Variants in CCNI observed in about 807,000 individuals in gnomAD.
CCNI encodes cyclin I.
A neutral mutation model predicts 34.1 loss-of-function variants in CCNI; 14 were observed. That is an observed-to-expected ratio of 0.41 (90% CI 0.27 to 0.64). CCNI has a LOEUF of 0.64. Ranked by LOEUF, CCNI falls within the 30% of genes least tolerant of loss-of-function variation. The pLI, the probability that CCNI is intolerant of heterozygous loss-of-function variation, is 0.31. For missense variants in CCNI, 385 were observed against 440.5 expected, an observed-to-expected ratio of 0.87 and a Z score of 1.13; for synonymous variants, 154 against 158.4, an observed-to-expected ratio of 0.97 and a Z score of 0.21.
intron 2 of CCNI, among the ~76,000 whole-genome samples, chr4:77,063,834 G>A (rs1251534768): frequency 6.6e-6 from 1 of 152,060 alleles, no homozygotes; most frequent in Non-Finnish European, 1.5e-5. Context: ...ATTAAATATG[G>A]CTTCTACTTG....
At chr4:77,062,171 T>A (rs1728656411) in intron 2 of CCNI, among the ~76,000 whole-genome samples, 2 of 152,214 alleles carry the variant, frequency 1.3e-5, no homozygotes, top group Non-Finnish European at 2.9e-5. Flanking sequence ...GCTATTTTGA[T>A]GTTACTCCCC....
At position 77,047,253 on chromosome 4, in the gene CCNI, G is replaced by C. The variant is rs1407108519; in HGVS notation, c.*966C>G. 6.6e-6 allele frequency: 1 copy of C among 152,168 alleles called. No individual in the cohort carries two copies. Among genetic ancestry groups the C allele is most frequent in the Non-Finnish European group, 1.5e-5 (1 of 68,052 alleles). The allele number at this position is 152,168 out of a possible 1,614,324, so 9.4% of individuals were successfully genotyped here. On this transcript the variant is annotated 3_prime_UTR_variant, in exon 7 of 7. Transcript: ENST00000237654. Reference sequence around the variant, plus strand: ...GACTGCAAAGGGAGCTCAGGATCCAGAAGTCATTAAAAGAAACATAAGGCT... The same window carrying C: ...GACTGCAAAGGGAGCTCAGGATCCACAAGTCATTAAAAGAAACATAAGGCT...
intron 3 of CCNI, among the ~76,000 whole-genome samples, chr4:77,057,539 TA>T (rs1728325805): frequency 6.6e-6 from 1 of 152,240 alleles, no homozygotes; most frequent in African/African-American, 2.4e-5. Flanking sequence ...CCAGTTTACA[TA>T]TTCTTTTGCA....
At chr4:77,072,227 A>T (rs577130766) in intron 1 of CCNI, among the ~76,000 whole-genome samples, 1 of 152,218 alleles carries the variant, frequency 6.6e-6, no homozygotes, top group East Asian at 1.9e-4. Flanking sequence ...AACGCAATAC[A>T]TTATCAATAG....
intron 1 of CCNI, among the ~76,000 whole-genome samples, chr4:77,069,893 A>C (rs1412204646): frequency 2.6e-5 from 4 of 152,008 alleles, no homozygotes; most frequent in Non-Finnish European, 5.9e-5. Flanking sequence ...CCAATCTTTG[A>C]AGGGTGCTAT....
Position 77,066,492 on chromosome 4 carries a change from T to A in CCNI, c.-43-87A>T, listed in dbSNP as rs527854850. The A allele has an allele frequency of 3.2e-6, 3 of 937,990 alleles. No homozygotes were observed. The East Asian group carries it at 8.1e-5, about 25-fold the overall frequency. 58.1% of individuals were successfully genotyped at this position (937,990 alleles called of 1,614,324 possible). A position where few individuals can be genotyped will look rare whatever the true frequency, so the allele number is the denominator to read the frequency against. ...TAATTAAGCAACTCATAAAACAAAA[T>A]AAGAATGCTATGAGGCAGTATAGGA... On this transcript the variant is annotated intron_variant, in intron 1 of 6. Transcript: ENST00000237654.
In CCNI at chr4:77,048,407, A is replaced by G. The variant is rs1267631514; in HGVS notation, c.946T>C (p.Cys316Arg). The change falls in exon 7 of 7, where the codon TGC becomes CGC. Residue 316 changes from cysteine (C) to arginine (R), a missense_variant. Physicochemically the swap from Cys to Arg is radical, Grantham distance 180. Transcript: ENST00000237654. ...TTGCGTTTAGTAGAGGTCTGCTTGC[A>G]CCCACTGGCAGCTGGGAGATGATGG... is the stretch of plus-strand genomic sequence containing the variant. Reference protein sequence around the residue: ...FYHHLPAASGCKQTSTKRKVE... With the variant: ...FYHHLPAASGRKQTSTKRKVE... 1 of 1,613,870 alleles carries G rather than the reference A, an allele frequency of 6.2e-7. No homozygotes were observed. The highest frequency in any genetic ancestry group is 1.3e-5 in the African/African-American group (1 of 74,850).
At chr4:77,067,347 T>C (rs749832718) in intron 1 of CCNI, among the ~76,000 whole-genome samples, 5 of 152,196 alleles carry the variant, frequency 3.3e-5, no homozygotes, top group Non-Finnish European at 5.9e-5. Flanking sequence ...GGAACATTCC[T>C]ATTAATACAG....
intron 2 of CCNI, among the ~76,000 whole-genome samples, chr4:77,065,370 C>T (rs1407071833): frequency 1.3e-5 from 2 of 152,104 alleles, no homozygotes; most frequent in Non-Finnish European, 2.9e-5. Flanking sequence ...TATAAGACAT[C>T]TTATACAATA....
At chr4:77,052,437 G>C (rs1727927269) in intron 6 of CCNI, among the ~76,000 whole-genome samples, 1 of 152,140 alleles carries the variant, frequency 6.6e-6, no homozygotes, top group Admixed American at 6.6e-5. Context: ...GAGAGAAAGA[G>C]GTTTAGCCAT....
At chr4:77,070,246 A>C (rs892915854) in intron 1 of CCNI, among the ~76,000 whole-genome samples, 1 of 151,344 alleles carries the variant, frequency 6.6e-6, no homozygotes, top group South Asian at 2.1e-4. Flanking sequence ...TGAACTCCTG[A>C]CCTCAAGTGA....
chr4:77,060,628 T>A (rs562674131), intron 2 of CCNI, among the ~76,000 whole-genome samples: 158 of 150,570 alleles, frequency 1.0e-3, no homozygotes, highest in African/African-American at 3.8e-3. Context: ...CCGGCTAATT[T>A]TTTTTTTTTT....
At chr4:77,054,104 T>C (rs1728049085) in intron 6 of CCNI, among the ~76,000 whole-genome samples, 1 of 150,928 alleles carries the variant, frequency 6.6e-6, no homozygotes, top group Non-Finnish European at 1.5e-5. Flanking sequence ...CATACTTGTT[T>C]AAAAAAAAAA....
intron 1 of CCNI, 82 bp from the exon 2 acceptor site, chr4:77,066,487 CAAAAT>C: frequency 9.9e-7 from 1 of 1,006,516 alleles, no homozygotes; most frequent in Non-Finnish European, 1.5e-6. Flanking sequence ...ACTCATAAAA[CAAAAT>C]AAGAATGCTA....
intron 2 of CCNI, 70 bp downstream of exon 2, chr4:77,066,179 T>G: frequency 8.1e-7 from 1 of 1,235,660 alleles, no homozygotes; most frequent in Non-Finnish European, 1.2e-6. Flanking sequence ...AGTGTCAAGA[T>G]ATTATTATGT....
intron 6 of CCNI, among the ~76,000 whole-genome samples, chr4:77,050,894 T>C (rs1427771834): frequency 3.3e-5 from 5 of 150,848 alleles, no homozygotes; most frequent in Admixed American, 2.0e-4. Flanking sequence ...AGTGTAGAAA[T>C]TATTTCTAAA....
intron 1 of CCNI, among the ~76,000 whole-genome samples, chr4:77,073,476 C>T (rs781144276): frequency 1.2e-4 from 18 of 152,204 alleles, no homozygotes; most frequent in Non-Finnish European, 2.2e-4. Context: ...CTAGTGCTGA[C>T]TTCTGAATCT....
rs1729639962 is a variant in CCNI, at chr4:77,073,381, C to T, written c.-44+2091G>A. ...CTCTGAGGAAAAGTGCTGCACAGTG[C>T]TGGGTATACAATATAAACAACTTCA... On this transcript the variant is annotated intron_variant, in intron 1 of 6. Coordinates refer to ENST00000237654, the MANE Select transcript of CCNI (RefSeq NM_006835.3). Among the ~76,000 whole-genome samples, 3 of 152,314 alleles carry T rather than the reference C, an allele frequency of 2.0e-5. No homozygotes were observed. In the South Asian group the frequency reaches 6.2e-4, roughly 32 times the overall value.
At chr4:77,056,385 G>T in intron 3 of CCNI, 62 bp from the exon 4 acceptor site, 1 of 1,285,550 alleles carries the variant, frequency 7.8e-7, no homozygotes, top group Non-Finnish European at 1.1e-6. Flanking sequence ...TTAACTTTTT[G>T]TAACTGTTTT....
Sources: allele counts gnomAD v4.1 joint callset (sites outside exome capture counted in the v4.1 genomes callset), GRCh38; gene constraint gnomAD v4.1.1; transcripts MANE v1.5; gene names NCBI Gene and HGNC (gene_info 2026-07-23, HGNC 2026-07-21).